The following RAD51B variants were observed in gnomAD, a reference collection of about 807,000 sequenced individuals.
RAD51B encodes the protein DNA repair protein RAD51 homolog 2.
RAD51B carries 38 observed loss-of-function variants against 42.2 expected under a neutral mutation model. The ratio of observed to expected loss-of-function variants is 0.90; its 90% CI spans 0.70 to 1.18. The LOEUF (loss-of-function observed/expected upper bound fraction) is 1.18. RAD51B is among the 50% of genes most tolerant of loss of function. The pLI is 0.00. For missense variants in RAD51B, 373 were observed against 400.7 expected (o/e 0.93, Z 0.59); for synonymous variants, 154 against 145.2 (o/e 1.06, Z -0.43).
chr14:68,257,780 T>C (rs2080784528), intron 7 of RAD51B, among the ~76,000 whole-genome samples: 1 of 152,166 alleles, frequency 6.6e-6, no homozygotes, highest in South Asian at 2.1e-4. Context: ...GTGATTGTTT[T>C]TGACATCTTA....
intron 7 of RAD51B, among the ~76,000 whole-genome samples, chr14:68,189,328 C>G (rs1331026907): frequency 6.6e-6 from 1 of 152,044 alleles, no homozygotes; most frequent in East Asian, 1.9e-4. Context: ...ATAATTTCCT[C>G]AGTTCATCTA....
intron 7 of RAD51B, among the ~76,000 whole-genome samples, chr14:68,162,471 C>T (rs1009983999): frequency 3.3e-5 from 5 of 151,862 alleles, no homozygotes; most frequent in Admixed American, 6.6e-5. Context: ...AGTTTCTATA[C>T]CAGGGGAAAT....
intron 7 of RAD51B, among the ~76,000 whole-genome samples, chr14:67,977,158 A>G (rs2075011403): frequency 6.6e-6 from 1 of 152,198 alleles, no homozygotes; most frequent in South Asian, 2.1e-4. Context: ...GTGGGTGAAT[A>G]TGTCTTTCCA....
chr14:68,304,954 A>G (rs934163991), intron 8 of RAD51B, among the ~76,000 whole-genome samples: 2 of 152,190 alleles, frequency 1.3e-5, no homozygotes, highest in Non-Finnish European at 2.9e-5. Flanking sequence ...TAGAGCAGCA[A>G]TCTTTTGAAT....
chr14:68,557,088 C>G (rs1888890379), intron 10 of RAD51B, among the ~76,000 whole-genome samples: 1 of 152,204 alleles, frequency 6.6e-6, no homozygotes, highest in Admixed American at 6.5e-5. Flanking sequence ...CGGCTCCTTT[C>G]TACACTTTCA....
chr14:68,495,886 A>G (rs189733855), intron 10 of RAD51B, among the ~76,000 whole-genome samples: 1 of 152,350 alleles, frequency 6.6e-6, no homozygotes, highest in African/African-American at 2.4e-5. Context: ...CCTTTCAAGC[A>G]AAGATGCTGC....
chr14:68,541,704 A>C (rs1887977668), intron 10 of RAD51B: 1 of 985,364 alleles, frequency 1.0e-6, no homozygotes, highest in Non-Finnish European at 1.2e-6. Context: ...TTTCTTAAAG[A>C]AGAAAAAGCT....
At chr14:68,470,326 T>G (rs2086090109) in intron 10 of RAD51B, among the ~76,000 whole-genome samples, 1 of 152,156 alleles carries the variant, frequency 6.6e-6, no homozygotes, top group Admixed American at 6.5e-5. Context: ...ACACCTCTGC[T>G]TTTACCAGCA....
At chr14:68,007,545 C>T (rs975910185) in intron 7 of RAD51B, among the ~76,000 whole-genome samples, 1 of 151,924 alleles carries the variant, frequency 6.6e-6, no homozygotes, top group African/African-American at 2.4e-5. Context: ...AAAAATTATA[C>T]CTGCTATTCT....
chr14:68,258,933 C>T (rs2080816985), intron 7 of RAD51B, among the ~76,000 whole-genome samples: 2 of 152,214 alleles, frequency 1.3e-5, no homozygotes, highest in African/African-American at 4.8e-5. Context: ...TCTGGAGCCT[C>T]TACTGCCGGT....
At chr14:68,165,835 T>TA (rs1036873013) in intron 7 of RAD51B, among the ~76,000 whole-genome samples, 1 of 152,214 alleles carries the variant, frequency 6.6e-6, no homozygotes, top group Non-Finnish European at 1.5e-5. Flanking sequence ...TTTATAAAAT[T>TA]ATTTTTAGTT....
At chr14:68,201,728 T>C (rs1595544905) in intron 7 of RAD51B, among the ~76,000 whole-genome samples, 1 of 152,218 alleles carries the variant, frequency 6.6e-6, no homozygotes, top group African/African-American at 2.4e-5. Context: ...GACTGTGGCC[T>C]GTAGAGGGTA....
chr14:68,563,857 C>T (rs901403804), intron 10 of RAD51B: 22 of 985,344 alleles, frequency 2.2e-5, no homozygotes, highest in African/African-American at 3.5e-5. Context: ...AGTTGGTTTC[C>T]GATCCCTGGC....
At chr14:67,960,625 TATTA>T (rs2074644373) in intron 7 of RAD51B, among the ~76,000 whole-genome samples, 1 of 152,240 alleles carries the variant, frequency 6.6e-6, no homozygotes, top group African/African-American at 2.4e-5. Flanking sequence ...AACTTAGATA[TATTA>T]ATTAACAATT....
intron 7 of RAD51B, among the ~76,000 whole-genome samples, chr14:67,988,723 G>T (rs1232925819): frequency 6.6e-6 from 1 of 152,178 alleles, no homozygotes; most frequent in Non-Finnish European, 1.5e-5. Context: ...TCAAGGAACA[G>T]GCCATTGAAA....
chr14:68,300,379 C>T (rs1276089168), intron 8 of RAD51B, among the ~76,000 whole-genome samples: 1 of 151,916 alleles, frequency 6.6e-6, no homozygotes, highest in Non-Finnish European at 1.5e-5. Context: ...CTAATTTTTT[C>T]AGTTTTGTTT....
At chr14:68,123,305 A>G (rs2140641025) in intron 7 of RAD51B, among the ~76,000 whole-genome samples, 1 of 149,896 alleles carries the variant, frequency 6.7e-6, no homozygotes, top group Non-Finnish European at 1.5e-5. Flanking sequence ...CTCCCACCTC[A>G]GCCTCCTGAG....
intron 10 of RAD51B, among the ~76,000 whole-genome samples, chr14:68,490,361 A>T (rs1883968900): frequency 6.6e-6 from 1 of 152,228 alleles, no homozygotes; most frequent in Admixed American, 6.5e-5. Context: ...AGGGGTTGAA[A>T]CTTGTGGATC....
chr14:68,195,661 C>CT, intron 7 of RAD51B, among the ~76,000 whole-genome samples: 1 of 152,240 alleles, frequency 6.6e-6, no homozygotes, highest in East Asian at 1.9e-4. Flanking sequence ...GTAATCCCAG[C>CT]ACTTTGGGAG....
Sources: gnomAD v4.1 joint callset for allele counts (sites outside exome capture counted in the v4.1 genomes callset) on GRCh38, gnomAD v4.1.1 for gene constraint, MANE v1.5 for transcripts, NCBI Gene and HGNC (gene_info 2026-07-23, HGNC 2026-07-21) for gene names.